Variants in SYTL1 observed in about 807,000 individuals in gnomAD.
SYTL1 encodes the protein synaptotagmin-like protein 1.
A neutral mutation model predicts 74.6 loss-of-function variants in SYTL1; 53 were observed. The ratio of observed to expected loss-of-function variants is 0.71; its 90% CI spans 0.57 to 0.89. The LOEUF (loss-of-function observed/expected upper bound fraction) is 0.89, where lower values mean the gene tolerates loss of function less well. Ranked by LOEUF, SYTL1 falls within the 40% of genes least tolerant of loss-of-function variation. The pLI, the probability that SYTL1 is intolerant of heterozygous loss-of-function variation, is 0.00. For missense variants in SYTL1, 728 were observed against 768.7 expected (o/e 0.95, Z 0.63); for synonymous variants, 329 against 324.9 (o/e 1.01, Z -0.14).
Position 27,351,287 on chromosome 1 carries a change from C to T in SYTL1, c.1194C>T (p.Ser398=), listed in dbSNP as rs779529091. ...CACCCTCTCCCGACGACCTTCCGAGCCGCGGGTTACTCGCCCTGTCCCTCA... is the reference window on the plus strand; with the variant it reads ...CACCCTCTCCCGACGACCTTCCGAGTCGCGGGTTACTCGCCCTGTCCCTCA... ...RVPPSPDDLP[S]RGLLALSLKY... Residue 398 remains serine, a synonymous_variant, in exon 12 of 15, where the codon AGC becomes AGT. Transcript: ENST00000616558. This position sits in a 1 kb window ranked among gnomAD's most constrained non-coding sequence, Gnocchi z 5.0. 26 of 1,561,996 alleles carry T rather than the reference C, an allele frequency of 1.7e-5. No individual in the cohort carries two copies. Among genetic ancestry groups the T allele is most frequent in the Non-Finnish European group, 2.2e-5 (25 of 1,154,002 alleles).
chr1:27,353,537 A>G, intron 14 of SYTL1, 49 bp downstream of exon 14: 2 of 1,562,138 alleles, frequency 1.3e-6, no homozygotes, highest in Middle Eastern at 1.8e-4. Context: ...GCCCTGGGAG[A>G]TGGGGGCTCA....
In SYTL1 at chr1:27,351,242, A is replaced by AGCCC; in HGVS notation, c.1165-12_1165-9dup. ...TTCCATTAGCCCCTGCTCCACGATA[A>AGCCC]GCCCGCCTCTCGCAGGTCCCACCCT... On this transcript the variant is annotated splice_polypyrimidine_tract_variant and intron_variant, in intron 11 of 14. Coordinates refer to ENST00000616558, the MANE Select transcript of SYTL1 (RefSeq NM_001193308.2). This position sits in a 1 kb window ranked among gnomAD's most constrained non-coding sequence, Gnocchi z 5.0. 1 of 1,550,766 alleles carries AGCCC rather than the reference A, an allele frequency of 6.4e-7. No individual in the cohort carries two copies. The highest frequency in any genetic ancestry group is 2.3e-4 in the Middle Eastern group (1 of 4,376).
rs914036776 is a variant in SYTL1, at chr1:27,343,588, A to ATG, written c.-39+1450_-39+1451dup. ...GTTCCTGGTGCGGGGGAGTGAGCAG[A>ATG]TGTGTGTGTGTGTACGTGTGTGTGT... On this transcript the variant is annotated intron_variant, in intron 1 of 14. Coordinates refer to ENST00000616558, the MANE Select transcript of SYTL1 (RefSeq NM_001193308.2). The surrounding 1 kb of genome is among the most constrained non-coding windows in gnomAD (Gnocchi z 5.2). 6.8e-5 allele frequency among the ~76,000 whole-genome samples: 10 copies of ATG among 148,004 alleles called. No homozygotes were observed. The highest frequency in any genetic ancestry group is 6.0e-4 in the Admixed American group (9 of 14,916).
rs774405748 is a variant in SYTL1, at chr1:27,350,012, C to T, written c.788C>T (p.Ala263Val). The change falls in exon 9 of 15, where the codon GCG (alanine) becomes GTG (valine). Residue 263 changes from alanine to valine, a missense_variant. Ala to Val is a moderately conservative substitution (Grantham distance 64). Transcript: ENST00000616558. The surrounding 1 kb of genome is among the most constrained non-coding windows in gnomAD (Gnocchi z 6.3). Reference sequence around the variant, plus strand: ...ATGAGCCTGTCAGGCGACGCGGAGGCGGTGCAGGTCCGCGGCTCCGTGCAC... The same window carrying T: ...ATGAGCCTGTCAGGCGACGCGGAGGTGGTGCAGGTCCGCGGCTCCGTGCAC... The part of the protein sequence containing the change: ...SQMSLSGDAE[A>V]VQVRGSVHFA... 2 of 1,559,436 alleles carry T rather than the reference C, an allele frequency of 1.3e-6. No homozygotes were observed. The highest frequency in any genetic ancestry group is 2.3e-5 in the South Asian group (2 of 85,978).
chr1:27,342,251 G>A lies in SYTL1; in HGVS notation c.-39+101G>A. 1.2e-6 allele frequency: 1 copy of A among 813,750 alleles called. No homozygotes were observed. The highest frequency in any genetic ancestry group is 1.5e-6 in the Non-Finnish European group (1 of 673,382). The allele number at this position is 813,750 out of a possible 1,614,324, so 50.4% of individuals were successfully genotyped here. ...CTCCAGCACCTTGGGGTTGGGGGAGGTGGGCACATGTCTGGAACTGGAACA... is the reference window on the plus strand; with the variant it reads ...CTCCAGCACCTTGGGGTTGGGGGAGATGGGCACATGTCTGGAACTGGAACA... On this transcript the variant is annotated intron_variant, in intron 1 of 14. Transcript: ENST00000616558. This position sits in a 1 kb window ranked among gnomAD's most constrained non-coding sequence, Gnocchi z 4.7.
intron 2 of SYTL1, among the ~76,000 whole-genome samples, chr1:27,346,451 G>A (rs903309370): frequency 1.3e-5 from 2 of 152,174 alleles, no homozygotes; most frequent in Non-Finnish European, 2.9e-5. Flanking sequence ...ATGGGGCTAA[G>A]GAGTCCTACT....
At position 27,345,458 on chromosome 1, in the gene SYTL1, C is replaced by A; in HGVS notation, c.124C>A (p.Gln42Lys). 6.4e-7 allele frequency: 1 copy of A among 1,561,902 alleles called. No homozygotes were observed. Among genetic ancestry groups the A allele is most frequent in the Non-Finnish European group, 8.7e-7 (1 of 1,152,212 alleles). Residue 42 changes from glutamine (Q) to lysine (K), a missense_variant, in exon 2 of 15, where the codon CAG becomes AAG. Gln to Lys is a moderately conservative substitution (Grantham distance 53, BLOSUM62 1). Coordinates refer to ENST00000616558, the MANE Select transcript of SYTL1 (RefSeq NM_001193308.2). The surrounding 1 kb of genome is among the most constrained non-coding windows in gnomAD (Gnocchi z 6.0). Reference protein sequence around the residue: ...LDLSFLTEEEQEAIAGVLQRD... With the variant: ...LDLSFLTEEEKEAIAGVLQRD... ...CCTCAGCTTCCTGACAGAGGAGGAG[C>A]AGGAGGCCATTGCTGGCGTCCTCCA...
rs138448143 is a variant in SYTL1 at position 27,353,795 on chromosome 1, G to C, written c.1632G>C (p.Pro544=). Residue 544 remains proline (P), a synonymous_variant, in exon 15 of 15, where the codon CCG becomes CCC. Coordinates refer to ENST00000616558, the MANE Select transcript of SYTL1 (RefSeq NM_001193308.2). ...TGTGGCAAGCCCTCCTGGAGCAGCC[G>C]TGCGAATGGGTGGATGGCCTTCTAC... The part of the protein sequence containing the change: ...KQLWQALLEQ[P]CEWVDGLLPL... The C allele has an allele frequency of 6.2e-7, 1 of 1,613,902 alleles. No homozygotes were observed. Among genetic ancestry groups the C allele is most frequent in the South Asian group, 1.1e-5 (1 of 91,092 alleles).
chr1:27,351,438 AGCCG>A lies in SYTL1; in HGVS notation c.1244-17_1244-14del. ...TGGACTCCATCCGTGTGCGGGCCTG[AGCCG>A]AGCCTCTCCGCAGGCGCAGGACTGC... On this transcript the variant is annotated splice_polypyrimidine_tract_variant and intron_variant, in intron 12 of 14. Coordinates refer to ENST00000616558, the MANE Select transcript of SYTL1 (RefSeq NM_001193308.2). This position sits in a 1 kb window ranked among gnomAD's most constrained non-coding sequence, Gnocchi z 5.0. The A allele has an allele frequency of 6.6e-7, 1 of 1,514,498 alleles. No homozygotes were observed. Among genetic ancestry groups the A allele is most frequent in the South Asian group, 1.3e-5 (1 of 79,278 alleles). 93.8% of individuals were successfully genotyped at this position (1,514,498 alleles called of 1,614,324 possible).
rs139212067 is a variant in SYTL1 at position 27,353,277 on chromosome 1, G to A, written c.1344-6G>A. On this transcript the variant is annotated splice_region_variant and splice_polypyrimidine_tract_variant and intron_variant, in intron 13 of 14. Transcript: ENST00000616558. ...GTCACCTGATGCCAGGCCACCTCCC[G>A]CACAGCTTCGTGCTGCCTGATGACA... 7.3e-4 allele frequency: 1,162 copies of A among 1,582,464 alleles called. 8 individuals carry two copies. The highest frequency in any genetic ancestry group is 5.6e-3 in the Middle Eastern group (34 of 6,024).
rs933965189 is a variant in SYTL1 at position 27,349,262 on chromosome 1, C to T, written c.532+110C>T. 1.8e-5 allele frequency: 26 copies of T among 1,469,922 alleles called. No homozygotes were observed. In the African/African-American group the frequency reaches 3.3e-4, roughly 18 times the overall value. The allele number at this position is 1,469,922 out of a possible 1,614,324, so 91.1% of individuals were successfully genotyped here. On this transcript the variant is annotated intron_variant, in intron 6 of 14. Transcript: ENST00000616558. ...CCTCGTCACCCCCACTCCCACCCCG[C>T]GTCGGAGGTGGGGACGATCCCAGGG... is the stretch of plus-strand genomic sequence containing the variant.
intron 5 of SYTL1, 34 bp from the exon 6 acceptor site, chr1:27,349,046 C>A (rs2015121135): frequency 6.5e-7 from 1 of 1,549,426 alleles, no homozygotes; most frequent in East Asian, 2.2e-5. Flanking sequence ...TCACCAGCCC[C>A]CGTACTGTGA....
At chr1:27,353,644 G>A in intron 14 of SYTL1, 69 bp from the exon 15 acceptor site, 1 of 1,578,764 alleles carries the variant, frequency 6.3e-7, no homozygotes, top group Non-Finnish European at 8.6e-7. Flanking sequence ...TCTGGGACCA[G>A]GCAGGTGTTT....
In SYTL1 at chr1:27,342,486, C is replaced by T. The variant is rs1218806985; in HGVS notation, c.-39+336C>T. 1 of 262,610 alleles carries T rather than the reference C, an allele frequency of 3.8e-6. No homozygotes were observed. Among genetic ancestry groups the T allele is most frequent in the African/African-American group, 2.3e-5 (1 of 43,414 alleles). The allele number at this position is 262,610 out of a possible 1,614,324, so 16.3% of individuals were successfully genotyped here. ...CAGGCCTGAAGGACAGAAATAGGCT[C>T]AGTTCTGCCGAACGTCCCCCCGGCC... On this transcript the variant is annotated intron_variant, in intron 1 of 14. Coordinates refer to ENST00000616558, the MANE Select transcript of SYTL1 (RefSeq NM_001193308.2). This position sits in a 1 kb window ranked among gnomAD's most constrained non-coding sequence, Gnocchi z 4.7.
At position 27,353,377 on chromosome 1, in the gene SYTL1, G is replaced by T; in HGVS notation, c.1438G>T (p.Asp480Tyr). 6.2e-7 allele frequency: 1 copy of T among 1,611,696 alleles called. No individual in the cohort carries two copies. Among genetic ancestry groups the T allele is most frequent in the East Asian group, 2.2e-5 (1 of 44,820 alleles). ...TGTGTTCAATCACACCATGGTGTAC[G>T]ATGGCTTTGGGCCTGCTGACCTGCG... ...SPVFNHTMVY[D>Y]GFGPADLRQA... is the part of the protein sequence containing the mutation. The change falls in exon 14 of 15, where the codon GAT becomes TAT. Residue 480 changes from aspartate to tyrosine, a missense_variant. By Grantham distance (160) the Asp-to-Tyr change is radical (BLOSUM62 -3). Coordinates refer to ENST00000616558, the MANE Select transcript of SYTL1 (RefSeq NM_001193308.2).
Position 27,353,740 on chromosome 1 carries a change from G to A in SYTL1, c.1577G>A (p.Trp526Ter). Residue 526 changes from tryptophan to a stop codon, truncating the protein, a stop_gained, in exon 15 of 15, where the codon TGG becomes TAG. Coordinates refer to ENST00000616558, the MANE Select transcript of SYTL1 (RefSeq NM_001193308.2). LOFTEE classifies it high-confidence loss of function. ...TGSSYGLQVP[W>*]MDSTPEEKQL... Reference sequence around the variant, plus strand: ...AGCAGCTATGGGCTGCAGGTGCCCTGGATGGATTCCACACCTGAGGAGAAG... The same window carrying A: ...AGCAGCTATGGGCTGCAGGTGCCCTAGATGGATTCCACACCTGAGGAGAAG... The A allele has an allele frequency of 3.7e-6, 6 of 1,614,010 alleles. No individual in the cohort carries two copies. The highest frequency in any genetic ancestry group is 5.1e-6 in the Non-Finnish European group (6 of 1,179,982).
Position 27,351,324 on chromosome 1 carries a change from G to T in SYTL1, c.1231G>T (p.Ala411Ser). The T allele has an allele frequency of 6.4e-7, 1 of 1,556,058 alleles. No homozygotes were observed. Among genetic ancestry groups the T allele is most frequent in the Non-Finnish European group, 8.7e-7 (1 of 1,150,470 alleles). Reference protein sequence around the residue: ...LLALSLKYVPAGSEGAGLPPS... With the variant: ...LLALSLKYVPSGSEGAGLPPS... ...CGCCCTGTCCCTCAAGTACGTCCCC[G>T]CCGGCTCCGAGGGTGAGTGACAGCC... The change falls in exon 12 of 15, where the codon GCC becomes TCC. Residue 411 changes from alanine (A) to serine (S), a missense_variant. Ala to Ser is a moderately conservative substitution (Grantham distance 99). Coordinates refer to ENST00000616558, the MANE Select transcript of SYTL1 (RefSeq NM_001193308.2). The surrounding 1 kb of genome is among the most constrained non-coding windows in gnomAD (Gnocchi z 5.0).
Position 27,347,204 on chromosome 1 carries a change from C to G in SYTL1, c.192-217C>G, listed in dbSNP as rs2015035312. 1.3e-5 allele frequency among the ~76,000 whole-genome samples: 2 copies of G among 152,238 alleles called. No individual in the cohort carries two copies. Among genetic ancestry groups the G allele is most frequent in the South Asian group, 4.1e-4 (2 of 4,836 alleles). ...CCCTCCTGGATTCTCACAGGCAGAGCTGGCTCTTCTTACTTCTATCACATC... is the reference window on the plus strand; with the variant it reads ...CCCTCCTGGATTCTCACAGGCAGAGGTGGCTCTTCTTACTTCTATCACATC... On this transcript the variant is annotated intron_variant, in intron 2 of 14. Coordinates refer to ENST00000616558, the MANE Select transcript of SYTL1 (RefSeq NM_001193308.2). The surrounding 1 kb of genome is among the most constrained non-coding windows in gnomAD (Gnocchi z 4.9).
Position 27,343,573 on chromosome 1 carries a change from C to T in SYTL1, c.-39+1423C>T, listed in dbSNP as rs1259802428. 4.1e-5 allele frequency among the ~76,000 whole-genome samples: 6 copies of T among 146,564 alleles called. No individual in the cohort carries two copies. The highest frequency in any genetic ancestry group is 2.2e-4 in the South Asian group (1 of 4,478). ...GACCCAGGCTGTGAGGTTCCTGGTG[C>T]GGGGGAGTGAGCAGATGTGTGTGTG... On this transcript the variant is annotated intron_variant, in intron 1 of 14. Coordinates refer to ENST00000616558, the MANE Select transcript of SYTL1 (RefSeq NM_001193308.2). The surrounding 1 kb of genome is among the most constrained non-coding windows in gnomAD (Gnocchi z 5.2).
Sources: allele counts gnomAD v4.1 joint callset (sites outside exome capture counted in the v4.1 genomes callset), GRCh38; gene constraint gnomAD v4.1.1; non-coding constraint Gnocchi (gnomAD v3.1); transcripts MANE v1.5; gene names NCBI Gene and HGNC (gene_info 2026-07-23, HGNC 2026-07-21).